Variants in LRRC9 observed in about 807,000 individuals in gnomAD.
LRRC9 encodes the protein leucine rich repeat containing 9.
In LRRC9, 122 loss-of-function variants were observed where a neutral mutation model predicts 63.2. The observed-to-expected ratio is 1.93, with a 90% CI of 1.67 to 2.24. The LOEUF (loss-of-function observed/expected upper bound fraction) is 2.24. Ranked by LOEUF, LRRC9 falls within the 30% of genes most tolerant of loss-of-function variation. The probability of loss-of-function intolerance (pLI) is 0.00; values close to 1 mark genes in which losing one functional copy is unlikely to be tolerated. For synonymous variants in LRRC9, 366 were observed against 213.1 expected (o/e 1.72, Z -6.25); for missense variants, 1,071 against 627.7 (o/e 1.71, Z -7.55).
At chr14:59,955,510 G>A (rs1883642744) in intron 8 of LRRC9, among the ~76,000 whole-genome samples, 1 of 151,728 alleles carries the variant, frequency 6.6e-6, no homozygotes, top group South Asian at 2.1e-4. Flanking sequence ...CATTTTTATT[G>A]TTCTATTTGA....
chr14:59,994,276 G>A (rs941681764), intron 17 of LRRC9, among the ~76,000 whole-genome samples: 1 of 152,130 alleles, frequency 6.6e-6, no homozygotes, highest in Admixed American at 6.5e-5. Context: ...ATCATCACTG[G>A]CCATCAGAGA....
chr14:60,022,737 T>TA lies in LRRC9; in HGVS notation c.3571dup (p.Ile1191AsnfsTer5). 1.6e-6 allele frequency: 1 copy of TA among 637,296 alleles called. No individual in the cohort carries two copies. The highest frequency in any genetic ancestry group is 2.4e-4 in the Middle Eastern group (1 of 4,118). 39.5% of individuals were successfully genotyped at this position (637,296 alleles called of 1,614,324 possible). On this transcript the variant is annotated frameshift_variant, in exon 27 of 32. Transcript: ENST00000445360. LOFTEE classifies it high-confidence loss of function. ...CAAACTTACCTATGTGTTTCAGAGA[T>TA]ATAATGAGCAGTGAAAATTTGCCTC...
chr14:59,961,507 G>A (rs1231153953), intron 10 of LRRC9, among the ~76,000 whole-genome samples: 2 of 152,190 alleles, frequency 1.3e-5, no homozygotes, highest in Non-Finnish European at 2.9e-5. Context: ...AGACTGTCTA[G>A]CAAATCTTCT....
In LRRC9 at chr14:59,962,138, G is replaced by A. The variant is rs1215265563; in HGVS notation, c.1211+1093G>A. On this transcript the variant is annotated intron_variant, in intron 10 of 31. Coordinates refer to ENST00000445360, the Ensembl canonical transcript of LRRC9. The surrounding 1 kb of genome is among the most constrained non-coding windows in gnomAD (Gnocchi z 5.1). Reference sequence around the variant, plus strand: ...CTCTGTGAGTAAAAGCTTCTCAAAGGTCTTGGGAGAACTCTGATGGAAAAG... The same window carrying A: ...CTCTGTGAGTAAAAGCTTCTCAAAGATCTTGGGAGAACTCTGATGGAAAAG... Among the ~76,000 whole-genome samples, 4 of 152,138 alleles carry A rather than the reference G, an allele frequency of 2.6e-5. No homozygotes were observed. The East Asian group carries it at 7.7e-4, about 29-fold the overall frequency.
At chr14:60,036,573 G>C (rs1357198258) in intron 29 of LRRC9, among the ~76,000 whole-genome samples, 1 of 152,148 alleles carries the variant, frequency 6.6e-6, no homozygotes, top group African/African-American at 2.4e-5. Flanking sequence ...CTTATGAATA[G>C]ACTCAGGTTG....
chr14:60,020,163 A>G (rs1891009507), intron 26 of LRRC9, among the ~76,000 whole-genome samples: 1 of 151,780 alleles, frequency 6.6e-6, no homozygotes, highest in Non-Finnish European at 1.5e-5. Context: ...CTCTCGCTAT[A>G]ATTTTGCCTT....
intron 29 of LRRC9, among the ~76,000 whole-genome samples, chr14:60,039,078 G>A (rs769694193): frequency 2.6e-4 from 40 of 152,268 alleles, no homozygotes; most frequent in Admixed American, 6.5e-4. Context: ...ATTGATTTAC[G>A]AATGTTGAAC....
chr14:59,924,636 A>G (rs1314400779), intron 1 of LRRC9, among the ~76,000 whole-genome samples: 2 of 152,172 alleles, frequency 1.3e-5, no homozygotes, highest in African/African-American at 2.4e-5. Flanking sequence ...TATTTTAAAT[A>G]CAGCAACCAG....
Position 59,990,203 on chromosome 14 carries a change from A to C in LRRC9, c.2211+4979A>C, listed in dbSNP as rs1222957851. Among the ~76,000 whole-genome samples the C allele has an allele frequency of 6.6e-6, 1 of 152,128 alleles. No individual in the cohort carries two copies. The highest frequency in any genetic ancestry group is 1.9e-4 in the East Asian group (1 of 5,182). On this transcript the variant is annotated intron_variant, in intron 17 of 31. Coordinates refer to ENST00000445360, the Ensembl canonical transcript of LRRC9. The surrounding 1 kb of genome is among the most constrained non-coding windows in gnomAD (Gnocchi z 4.2). Reference sequence around the variant, plus strand: ...CGACCTCCCAAAGTGCTGGGATTACAGGCATGAGCCGCTGTGCCCAGCCTA... The same window carrying C: ...CGACCTCCCAAAGTGCTGGGATTACCGGCATGAGCCGCTGTGCCCAGCCTA...
exon 6 of LRRC9, chr14:59,931,984 C>A (rs1172293459): frequency 1.4e-6 from 1 of 700,052 alleles, no homozygotes; most frequent in Non-Finnish European, 2.6e-6. Context: ...TGTCTTGACT[C>A]CAATGAACAA....
chr14:60,051,356 A>T lies in LRRC9; in HGVS notation c.3991-1709A>T, dbSNP rs1475628028. Among the ~76,000 whole-genome samples the T allele has an allele frequency of 6.6e-6, 1 of 152,204 alleles. No individual in the cohort carries two copies. The highest frequency in any genetic ancestry group is 1.5e-5 in the Non-Finnish European group (1 of 68,008). On this transcript the variant is annotated intron_variant, in intron 29 of 31. Coordinates refer to ENST00000445360, the Ensembl canonical transcript of LRRC9. The surrounding 1 kb of genome is among the most constrained non-coding windows in gnomAD (Gnocchi z 4.7). ...GGGTGCCACTTAAAGAAGCAGTCTG[A>T]GCATGATCTTGCAAAGCAGGTGTGT... is the stretch of plus-strand genomic sequence containing the variant.
intron 17 of LRRC9, among the ~76,000 whole-genome samples, chr14:59,993,680 A>T (rs1349847989): frequency 6.6e-6 from 1 of 152,232 alleles, no homozygotes; most frequent in Non-Finnish European, 1.5e-5. Context: ...TTGATAAAAC[A>T]GACTTTAAAC....
chr14:59,976,267 T>C (rs1886276002), intron 13 of LRRC9, among the ~76,000 whole-genome samples: 1 of 152,192 alleles, frequency 6.6e-6, no homozygotes, highest in Non-Finnish European at 1.5e-5. Context: ...ACAATAAATA[T>C]AATACACCTG....
chr14:59,940,516 G>C (rs956960220), intron 7 of LRRC9, among the ~76,000 whole-genome samples: 1 of 152,038 alleles, frequency 6.6e-6, no homozygotes, highest in Non-Finnish European at 1.5e-5. Flanking sequence ...CAAAGAGTTA[G>C]TGCAAGACAG....
chr14:59,945,025 T>A (rs75203072), intron 8 of LRRC9, among the ~76,000 whole-genome samples: 2,173 of 151,972 alleles, frequency 0.014, 53 homozygotes, highest in East Asian at 0.058. Context: ...GAATTTTGTT[T>A]AAAAAAACTG....
chr14:60,011,250 C>T (rs558836926), intron 23 of LRRC9, among the ~76,000 whole-genome samples: 105 of 152,190 alleles, frequency 6.9e-4, no homozygotes, highest in Middle Eastern at 3.4e-3. Flanking sequence ...AGCATGTGCA[C>T]GGGAACTCCC....
intron 8 of LRRC9, among the ~76,000 whole-genome samples, chr14:59,953,179 T>C (rs1271751863): frequency 6.6e-6 from 1 of 152,244 alleles, no homozygotes; most frequent in Admixed American, 6.5e-5. Context: ...TACCCAGTAA[T>C]GGGATTGCTG....
Position 60,016,255 on chromosome 14 carries a change from G to T in LRRC9, c.3187-405G>T, listed in dbSNP as rs545502990. Reference sequence around the variant, plus strand: ...GGATCTCACTCTGTCACCCAGACTGGAATCCAGTGGCATGATCATAGCTCA... The same window carrying T: ...GGATCTCACTCTGTCACCCAGACTGTAATCCAGTGGCATGATCATAGCTCA... On this transcript the variant is annotated intron_variant, in intron 23 of 31. Transcript: ENST00000445360. Among the ~76,000 whole-genome samples the T allele has an allele frequency of 3.3e-5, 5 of 152,148 alleles. No homozygotes were observed. The South Asian group carries it at 1.0e-3, about 32-fold the overall frequency.
rs1160469231 is a variant in LRRC9, at chr14:60,042,992, C to T, written c.3991-10073C>T. 1.3e-5 allele frequency among the ~76,000 whole-genome samples: 2 copies of T among 152,038 alleles called. No individual in the cohort carries two copies. Among genetic ancestry groups the T allele is most frequent in the Non-Finnish European group, 2.9e-5 (2 of 67,996 alleles). ...TCTTTCATCAGAGGTTTATAGTTTT[C>T]CTTGCATAGATCTTTCACTTCTTTG... is the stretch of plus-strand genomic sequence containing the variant. On this transcript the variant is annotated intron_variant, in intron 29 of 31. Coordinates refer to ENST00000445360, the Ensembl canonical transcript of LRRC9. This position sits in a 1 kb window ranked among gnomAD's most constrained non-coding sequence, Gnocchi z 4.2.
Sources: allele counts gnomAD v4.1 joint callset (sites outside exome capture counted in the v4.1 genomes callset), GRCh38; gene constraint gnomAD v4.1.1; non-coding constraint Gnocchi (gnomAD v3.1); transcripts MANE v1.5; gene names NCBI Gene and HGNC (gene_info 2026-07-23, HGNC 2026-07-21).